The following MLIP variants were observed in gnomAD, a reference collection of about 807,000 sequenced individuals.
MLIP encodes muscular LMNA interacting protein, also known as muscular LMNA-interacting protein.
MLIP carries 79 observed loss-of-function variants against 84.8 expected under a neutral mutation model. That is an observed-to-expected ratio of 0.93 (90% CI 0.78 to 1.12). The LOEUF is 1.12. MLIP is among the 50% of genes most tolerant of loss of function. MLIP has a pLI of 0.00. For missense variants in MLIP, 1,257 were observed against 1,160.6 expected, an observed-to-expected ratio of 1.08 and a Z score of -1.21; for synonymous variants, 504 against 463.0, an observed-to-expected ratio of 1.09 and a Z score of -1.14.
At chr6:54,075,305 A>G (rs1229892531) in intron 1 of MLIP, among the ~76,000 whole-genome samples, 1 of 150,672 alleles carries the variant, frequency 6.6e-6, no homozygotes, top group East Asian at 1.9e-4. Flanking sequence ...GGAAATGCCT[A>G]TGTGCTTCTT....
At chr6:54,091,704 C>G (rs941824512) in intron 1 of MLIP, among the ~76,000 whole-genome samples, 1 of 152,130 alleles carries the variant, frequency 6.6e-6, no homozygotes, top group Non-Finnish European at 1.5e-5. Flanking sequence ...GAGAACAGCT[C>G]CCTGAGCTCA....
chr6:54,147,464 T>C (rs1013831111), intron 4 of MLIP, among the ~76,000 whole-genome samples: 105 of 152,224 alleles, frequency 6.9e-4, no homozygotes, highest in African/African-American at 2.4e-3. Context: ...ACTTAGGGCT[T>C]GAAGTGACCT....
At chr6:54,048,090 G>C (rs1765170611) in intron 1 of MLIP, among the ~76,000 whole-genome samples, 1 of 152,278 alleles carries the variant, frequency 6.6e-6, no homozygotes, top group East Asian at 1.9e-4. Flanking sequence ...TCCTGAGAAG[G>C]GAGGTGGTAC....
rs537525960 is a variant in MLIP at position 54,080,457 on chromosome 6, G to A, written c.64-40990G>A. 1.5e-3 allele frequency among the ~76,000 whole-genome samples: 212 copies of A among 138,548 alleles called. 1 individual carries two copies. Among genetic ancestry groups the A allele is most frequent in the African/African-American group, 5.0e-3 (198 of 39,218 alleles). 90.9% of individuals were successfully genotyped at this position (138,548 alleles called of 152,430 possible). A position where few individuals can be genotyped will look rare whatever the true frequency, so the allele number is the denominator to read the frequency against. On this transcript the variant is annotated intron_variant, in intron 1 of 12. Transcript: ENST00000274897. ...CCTCATTAATTTTATACTGTAAAAA[G>A]CTTTTTGAATGTGCATGTCCTTATT...
chr6:54,053,272 C>G (rs1765474738), intron 1 of MLIP, among the ~76,000 whole-genome samples: 1 of 152,076 alleles, frequency 6.6e-6, no homozygotes, highest in Admixed American at 6.5e-5. Context: ...AAAATGTCAG[C>G]TATTTCACAA....
In MLIP at chr6:54,138,135, C is replaced by T. The variant is rs1416135587; in HGVS notation, c.2066C>T (p.Pro689Leu). 1 of 1,536,130 alleles carries T rather than the reference C, an allele frequency of 6.5e-7. No homozygotes were observed. Among genetic ancestry groups the T allele is most frequent in the Non-Finnish European group, 8.7e-7 (1 of 1,146,884 alleles). The change falls in exon 4 of 14, where the codon CCT becomes CTT. Residue 689 changes from proline (P) to leucine (L), a missense_variant. Pro to Leu is a moderately conservative substitution (Grantham distance 98). Coordinates refer to ENST00000502396, the MANE Select transcript of MLIP (RefSeq NM_001281747.2). ...CCACATTGCGGCAGTGGTACCTTGC[C>T]TTCAAGACTTGGGAAATCTGAAAGC... is the stretch of plus-strand genomic sequence containing the variant. ...LHPHCGSGTL[P>L]SRLGKSESTT...
chr6:54,251,708 T>C (rs375305454), intron 12 of MLIP, among the ~76,000 whole-genome samples: 4 of 90,046 alleles, frequency 4.4e-5, no homozygotes, highest in African/African-American at 2.7e-4. Context: ...TAACATATGA[T>C]ACATATATAT....
chr6:54,225,789 C>T (rs1039354610), intron 11 of MLIP, among the ~76,000 whole-genome samples: 25 of 152,304 alleles, frequency 1.6e-4, no homozygotes, highest in African/African-American at 6.0e-4. Flanking sequence ...TAAGGACTTT[C>T]AGTAAGGGAT....
At chr6:54,183,693 C>T (rs530086454) in intron 9 of MLIP, among the ~76,000 whole-genome samples, 5 of 148,334 alleles carry the variant, frequency 3.4e-5, no homozygotes, top group South Asian at 2.2e-4. Flanking sequence ...TTATGAGGGG[C>T]GTATTACTAA....
At chr6:54,021,571 C>G (rs924288975) in intron 1 of MLIP, among the ~76,000 whole-genome samples, 2 of 152,090 alleles carry the variant, frequency 1.3e-5, no homozygotes, top group African/African-American at 4.8e-5. Flanking sequence ...AGGCAAGACA[C>G]AAGTAAAACA....
chr6:54,166,395 CT>C (rs966106081), intron 8 of MLIP, among the ~76,000 whole-genome samples: 9 of 151,776 alleles, frequency 5.9e-5, no homozygotes, highest in African/African-American at 1.7e-4. Context: ...CTTAGATCCC[CT>C]TTTTTTATGT....
Position 54,137,514 on chromosome 6 carries a change from A to G in MLIP, c.1445A>G (p.Gln482Arg). 6 of 1,536,106 alleles carry G rather than the reference A, an allele frequency of 3.9e-6. No homozygotes were observed. The highest frequency in any genetic ancestry group is 5.2e-6 in the Non-Finnish European group (6 of 1,146,904). ...GGGTCACCAGATCAAGGGGAACTCCAGGTTTCTGAATTGACCCAGCAATCT... is the reference window on the plus strand; with the variant it reads ...GGGTCACCAGATCAAGGGGAACTCCGGGTTTCTGAATTGACCCAGCAATCT... The part of the protein sequence containing the change: ...RAGSPDQGEL[Q>R]VSELTQQSFH... Residue 482 changes from glutamine (Q) to arginine (R), a missense_variant, in exon 4 of 14, where the codon CAG becomes CGG. Coordinates refer to ENST00000502396, the MANE Select transcript of MLIP (RefSeq NM_001281747.2).
intron 1 of MLIP, among the ~76,000 whole-genome samples, chr6:54,025,889 G>A (rs1046825637): frequency 2.4e-4 from 37 of 152,108 alleles, no homozygotes; most frequent in Non-Finnish European, 5.0e-4. Flanking sequence ...TTGGCACATC[G>A]CCCACAATGG....
intron 1 of MLIP, chr6:54,047,730 C>T (rs1166614217): frequency 1.3e-5 from 2 of 152,174 alleles, no homozygotes; most frequent in Admixed American, 6.5e-5. Context: ...AAACTAATAT[C>T]AACAAGAAGA....
chr6:54,050,660 G>A (rs1015044689), intron 1 of MLIP, among the ~76,000 whole-genome samples: 1 of 151,988 alleles, frequency 6.6e-6, no homozygotes, highest in Non-Finnish European at 1.5e-5. Flanking sequence ...TAAATTCAAC[G>A]TTTTTAATGA....
chr6:54,075,692 G>T (rs1333863582), intron 1 of MLIP, among the ~76,000 whole-genome samples: 1 of 152,194 alleles, frequency 6.6e-6, no homozygotes, highest in Non-Finnish European at 1.5e-5. Flanking sequence ...TAGTCAGGAT[G>T]CAAGTCCAGA....
At chr6:54,021,585 T>C (rs898123358) in intron 1 of MLIP, among the ~76,000 whole-genome samples, 6 of 152,196 alleles carry the variant, frequency 3.9e-5, no homozygotes, top group African/African-American at 1.4e-4. Flanking sequence ...TAAAACAAGA[T>C]TCTTTGCTAC....
At position 54,067,733 on chromosome 6, in the gene MLIP, C is replaced by T. The variant is rs1465871326; in HGVS notation, c.63+48642C>T. On this transcript the variant is annotated intron_variant, in intron 1 of 12. Coordinates refer to the MLIP transcript ENST00000274897. ...CAAAGGCAGGAAAGTTAAAAGCTTT[C>T]TTCTGTGTATACATTGAACACTTGT... is the stretch of plus-strand genomic sequence containing the variant. 6.9e-5 allele frequency among the ~76,000 whole-genome samples: 7 copies of T among 101,220 alleles called. 2 individuals carry two copies. The highest frequency in any genetic ancestry group is 1.4e-4 in the Non-Finnish European group (5 of 35,148). 66.4% of individuals were successfully genotyped at this position (101,220 alleles called of 152,430 possible).
chr6:54,157,361 A>G (rs771245618), intron 5 of MLIP, among the ~76,000 whole-genome samples: 2 of 151,970 alleles, frequency 1.3e-5, no homozygotes, highest in African/African-American at 2.4e-5. Context: ...TCCCCTCTTC[A>G]CTCTGCTCCT....
Sources: gnomAD v4.1 joint callset for allele counts (sites outside exome capture counted in the v4.1 genomes callset) on GRCh38, gnomAD v4.1.1 for gene constraint, MANE v1.5 for transcripts, NCBI Gene and HGNC (gene_info 2026-07-23, HGNC 2026-07-21) for gene names.